MED24: variants seen among roughly 807,000 people sequenced by gnomAD.
MED24 encodes mediator complex subunit 24.
A neutral mutation model predicts 118.8 loss-of-function variants in MED24; 74 were observed. That is an observed-to-expected ratio of 0.62 (90% confidence interval 0.52 to 0.76). The LOEUF is 0.76. Among genes scored for constraint, MED24 ranks in the 30% least tolerant of loss-of-function variants. The pLI is 0.00. For missense variants in MED24, 1,041 were observed against 1,278.9 expected (o/e 0.81, Z 2.84); for synonymous variants, 521 against 523.9 (o/e 0.99, Z 0.08).
chr17:40,031,239 G>A lies in MED24; in HGVS notation c.1074C>T (p.Asp358=), dbSNP rs1316855031. ...ATTCTTGGAGCAGGAAGTTTGTACA[G>A]TCACAGCTGTGAGGGAGAAAGATGC... ...LDKADQRCNC[D]CTNFLLQECG... Residue 358 remains aspartate (D), a synonymous_variant, in exon 12 of 26, where the codon GAC becomes GAT. Transcript: ENST00000394128. 8 of 1,564,704 alleles carry A rather than the reference G, an allele frequency of 5.1e-6. No individual in the cohort carries two copies. The African/African-American group carries it at 5.4e-5, about 11-fold the overall frequency.
At chr17:40,043,390 A>G (rs1015803973) in intron 3 of MED24, among the ~76,000 whole-genome samples, 4 of 152,182 alleles carry the variant, frequency 2.6e-5, no homozygotes, top group Non-Finnish European at 2.9e-5. Context: ...AAGAGGCTGA[A>G]GGGACCTGGA....
intron 13 of MED24, among the ~76,000 whole-genome samples, 176 bp downstream of exon 13, chr17:40,029,572 C>A (rs544398753): frequency 1.1e-4 from 17 of 152,312 alleles, no homozygotes; most frequent in African/African-American, 3.8e-4. Context: ...GAAGCTCCCA[C>A]GGGTTAGCAT....
chr17:40,019,991 C>T, intron 24 of MED24, 58 bp from the exon 25 acceptor site: 1 of 1,534,612 alleles, frequency 6.5e-7, no homozygotes, highest in Non-Finnish European at 8.8e-7. Flanking sequence ...GGTGAGGTCA[C>T]ACTCTGGGAG....
intron 1 of MED24, 194 bp from the exon 2 acceptor site, chr17:40,053,829 TG>T: frequency 1.4e-6 from 1 of 712,982 alleles, no homozygotes; most frequent in Non-Finnish European, 2.3e-6. Flanking sequence ...TTCCTTAAAC[TG>T]GGGCACTAAG....
rs16965540 is a variant in MED24, at chr17:40,019,778, T to C, written c.2853+7A>G. 4,141 of 1,611,998 alleles carry C rather than the reference T, an allele frequency of 2.6e-3. 86 individuals carry two copies. The African/African-American group carries it at 0.05, about 19-fold the overall frequency. ...ACCAGCAGGAGAGCCGGGAAGGTGG[T>C]ACTCACGGTGGTGAAGGGCATGAAC... On this transcript the variant is annotated splice_region_variant and intron_variant, in intron 25 of 25. Coordinates refer to ENST00000394128, the MANE Select transcript of MED24 (RefSeq NM_014815.4).
At position 40,021,948 on chromosome 17, in the gene MED24, C is replaced by A; in HGVS notation, c.2623+7G>T. ...AGGAGCGGCGCGCGGCCAGCCCACACACTCACTGGGGCTCGAAAGGATGTT... is the reference window on the plus strand; with the variant it reads ...AGGAGCGGCGCGCGGCCAGCCCACAAACTCACTGGGGCTCGAAAGGATGTT... On this transcript the variant is annotated splice_region_variant and intron_variant, in intron 23 of 25. Transcript: ENST00000394128. 6.3e-7 allele frequency: 1 copy of A among 1,583,480 alleles called. No homozygotes were observed. Among genetic ancestry groups the A allele is most frequent in the African/African-American group, 1.4e-5 (1 of 73,780 alleles).
At position 40,031,498 on chromosome 17, in the gene MED24, C is replaced by T. The variant is rs78739640; in HGVS notation, c.1067+40G>A. 2,789 of 1,565,364 alleles carry T rather than the reference C, an allele frequency of 1.8e-3. 51 individuals are homozygous for T. The African/African-American group carries it at 0.032, about 18-fold the overall frequency. On this transcript the variant is annotated intron_variant, in intron 11 of 25. Transcript: ENST00000394128. ...CAGAGATCAGGGGAAGAGCCCAGAACGCCTTCCAGTAGGGCGGGGGTGACC... is the reference window on the plus strand; with the variant it reads ...CAGAGATCAGGGGAAGAGCCCAGAATGCCTTCCAGTAGGGCGGGGGTGACC...
At position 40,033,265 on chromosome 17, in the gene MED24, G is replaced by A. The variant is rs1983591640; in HGVS notation, c.672-59C>T. On this transcript the variant is annotated intron_variant, in intron 7 of 25. Coordinates refer to ENST00000394128, the MANE Select transcript of MED24 (RefSeq NM_014815.4). This position sits in a 1 kb window ranked among gnomAD's most constrained non-coding sequence, Gnocchi z 5.2. ...GGGGGCCAAAGGTGAAGGCGGAGAG[G>A]ATGGCACGGGTGCCACATCTTCCTA... 6.8e-6 allele frequency: 11 copies of A among 1,611,942 alleles called. 1 individual carries two copies. The South Asian group carries it at 1.2e-4, about 18-fold the overall frequency.
At chr17:40,048,379 G>A (rs1247707546) in intron 3 of MED24, among the ~76,000 whole-genome samples, 1 of 152,104 alleles carries the variant, frequency 6.6e-6, no homozygotes, top group Admixed American at 6.6e-5. Flanking sequence ...ACAGTGGATT[G>A]TCCTGGAAGC....
intron 3 of MED24, among the ~76,000 whole-genome samples, chr17:40,044,430 G>A (rs1465657346): frequency 6.6e-6 from 1 of 151,828 alleles, no homozygotes; most frequent in African/African-American, 2.4e-5. Flanking sequence ...TGAGGCAGGA[G>A]AATTGCTTGA....
At chr17:40,027,736 C>T in intron 15 of MED24, 173 bp downstream of exon 15, 1 of 762,600 alleles carries the variant, frequency 1.3e-6, no homozygotes, top group Non-Finnish European at 2.2e-6. Flanking sequence ...GGGAAGAATC[C>T]TTTTCCAGCA....
Position 40,025,884 on chromosome 17 carries a change from C to T in MED24, c.1985+272G>A, listed in dbSNP as rs73305028. On this transcript the variant is annotated intron_variant, in intron 19 of 25. Transcript: ENST00000394128. ...TCACACAGCTTTGTTCTTTTGGGAGCTAGTTGTCTAGAACTTGAGTCTCTG... is the reference window on the plus strand; with the variant it reads ...TCACACAGCTTTGTTCTTTTGGGAGTTAGTTGTCTAGAACTTGAGTCTCTG... Among the ~76,000 whole-genome samples, 487 of 152,294 alleles carry T rather than the reference C, an allele frequency of 3.2e-3. 6 individuals are homozygous for T. Among genetic ancestry groups the T allele is most frequent in the African/African-American group, 0.011 (475 of 41,548 alleles).
intron 14 of MED24, 31 bp downstream of exon 14, chr17:40,028,795 G>A (rs774794326): frequency 1.9e-6 from 3 of 1,611,726 alleles, no homozygotes; most frequent in Middle Eastern, 2.0e-4. Flanking sequence ...CTCCCTGCAC[G>A]CCCTGGGGTC....
chr17:40,022,298 G>A, intron 22 of MED24, 96 bp downstream of exon 22: 1 of 1,306,102 alleles, frequency 7.7e-7, no homozygotes, highest in Non-Finnish European at 1.1e-6. Context: ...CAAGGGCAGG[G>A]GCCACAACTG....
intron 20 of MED24, 106 bp from the exon 21 acceptor site, chr17:40,022,932 C>T: frequency 7.1e-7 from 1 of 1,408,262 alleles, no homozygotes; most frequent in Non-Finnish European, 9.6e-7. Context: ...GCAGAGGGGG[C>T]CCCAGATGTT....
rs768218850 is a variant in MED24 at position 40,035,334 on chromosome 17, T to G, written c.342A>C (p.Ala114=). The G allele has an allele frequency of 2.5e-6, 4 of 1,588,688 alleles. No homozygotes were observed. The highest frequency in any genetic ancestry group is 8.6e-7 in the Non-Finnish European group (1 of 1,163,126). ...CTCGGCACAGTCCGATGCATTCCTC[T>G]GCTTTGCCGTGACAGCTACAGGGAA... ...FCDRLSCHGK[A]EECIGLCRAL... The change falls in exon 6 of 26, where the codon GCA becomes GCC. Residue 114 remains alanine (A), a synonymous_variant. Coordinates refer to ENST00000394128, the MANE Select transcript of MED24 (RefSeq NM_014815.4).
At chr17:40,042,977 G>T (rs1331367503) in intron 3 of MED24, among the ~76,000 whole-genome samples, 2 of 152,128 alleles carry the variant, frequency 1.3e-5, no homozygotes. Context: ...TTTGAGATAG[G>T]ATCTCACTCT....
chr17:40,019,509 C>T lies in MED24; in HGVS notation c.*20G>A, dbSNP rs1981674400. 1 of 1,606,248 alleles carries T rather than the reference C, an allele frequency of 6.2e-7. No individual in the cohort carries two copies. Among genetic ancestry groups the T allele is most frequent in the Non-Finnish European group, 8.5e-7 (1 of 1,175,702 alleles). On this transcript the variant is annotated 3_prime_UTR_variant, in exon 26 of 26. Transcript: ENST00000394128. Reference sequence around the variant, plus strand: ...GGGCTGCGCCAGTCCCCAGCCCCCACTGCGGCCATGCCAAGCCCCTCAGAG... The same window carrying T: ...GGGCTGCGCCAGTCCCCAGCCCCCATTGCGGCCATGCCAAGCCCCTCAGAG...
intron 3 of MED24, among the ~76,000 whole-genome samples, chr17:40,052,082 C>T (rs544100805): frequency 6.6e-6 from 1 of 152,184 alleles, no homozygotes; most frequent in African/African-American, 2.4e-5. Context: ...ATCACAAGGT[C>T]AGGAGTTCAA....
Sources: gnomAD v4.1 joint callset for allele counts (sites outside exome capture counted in the v4.1 genomes callset) on GRCh38, gnomAD v4.1.1 for gene constraint, Gnocchi (gnomAD v3.1) non-coding constraint, MANE v1.5 for transcripts, NCBI Gene and HGNC (gene_info 2026-07-23, HGNC 2026-07-21) for gene names.